Variants in PDS5B observed in about 807,000 individuals in gnomAD.
PDS5B encodes the protein PDS5 cohesin associated factor B, also known as sister chromatid cohesion protein PDS5 homolog B.
A neutral mutation model predicts 184.1 loss-of-function variants in PDS5B; 51 were observed. That is an observed-to-expected ratio of 0.28 (90% CI 0.22 to 0.35). The LOEUF (loss-of-function observed/expected upper bound fraction) is 0.35. PDS5B is among the 10% of genes least tolerant of loss of function. PDS5B has a pLI of 1.00. For missense variants in PDS5B, 1,180 were observed against 1,723.3 expected (o/e 0.68, Z 5.58); for synonymous variants, 566 against 569.2 (o/e 0.99, Z 0.08).
At chr13:32,607,822 CAGTG>C (rs747032674) in intron 1 of PDS5B, among the ~76,000 whole-genome samples, 3 of 152,232 alleles carry the variant, frequency 2.0e-5, no homozygotes, top group Non-Finnish European at 4.4e-5. Flanking sequence ...GCTGTGCTAG[CAGTG>C]AGTGAGGCTC....
chr13:32,675,853 A>G lies in PDS5B; in HGVS notation c.856A>G (p.Asn286Asp). 1 of 1,599,284 alleles carries G rather than the reference A, an allele frequency of 6.3e-7. No individual in the cohort carries two copies. Residue 286 changes from asparagine to aspartate, a missense_variant, in exon 9 of 35, where the codon AAT becomes GAT. Physicochemically the swap from Asn to Asp is conservative, Grantham distance 23. Around this residue, in one of 11 missense-constraint regions of PDS5B, gnomAD observed 4 missense variants for 29.5 expected, o/e 0.14. Coordinates refer to ENST00000315596, the MANE Select transcript of PDS5B (RefSeq NM_015032.4). ...TTGTGTTTTATTTTAGAGCAATGAT[A>G]ATGAGGAGCGCCTACAAGTTGTTAA... ...QLEFKLKSND[N>D]EERLQVVKLL...
chr13:32,699,081 A>G (rs1045470409), intron 15 of PDS5B, among the ~76,000 whole-genome samples: 3 of 152,220 alleles, frequency 2.0e-5, no homozygotes, highest in Admixed American at 6.5e-5. Context: ...GCTCTCTGCA[A>G]CAGTTAAGAA....
At chr13:32,719,630 GTC>G (rs1181655190) in intron 19 of PDS5B, among the ~76,000 whole-genome samples, 2 of 152,138 alleles carry the variant, frequency 1.3e-5, no homozygotes, top group Non-Finnish European at 2.9e-5. Flanking sequence ...GACAGGCTAA[GTC>G]TCTCTGCCCT....
intron 23 of PDS5B, among the ~76,000 whole-genome samples, chr13:32,744,516 A>G (rs1953676822): frequency 6.6e-6 from 1 of 152,186 alleles, no homozygotes; most frequent in South Asian, 2.1e-4. Context: ...GGTTTCAAGA[A>G]AAGTTTCCTC....
At chr13:32,609,100 A>G (rs889852699) in intron 1 of PDS5B, among the ~76,000 whole-genome samples, 1 of 152,164 alleles carries the variant, frequency 6.6e-6, no homozygotes, top group Non-Finnish European at 1.5e-5. Flanking sequence ...ATCATATTTA[A>G]TTTGCAAATA....
intron 33 of PDS5B, 66 bp from the exon 34 acceptor site, chr13:32,773,123 C>G: frequency 7.3e-7 from 1 of 1,364,268 alleles, no homozygotes; most frequent in Non-Finnish European, 1.0e-6. Flanking sequence ...TGAAACATTT[C>G]TTCTAACGAG....
intron 25 of PDS5B, 103 bp from the exon 26 acceptor site, chr13:32,755,739 G>C (rs1954151246): frequency 5.3e-6 from 3 of 568,504 alleles, no homozygotes; most frequent in Non-Finnish European, 9.5e-6. Flanking sequence ...ACGAAAGAAA[G>C]AGTATGTAAG....
In PDS5B at chr13:32,748,671, TATA is replaced by T. The variant is rs1953852363; in HGVS notation, c.2736+2575_2736+2577del. Among the ~76,000 whole-genome samples, 3 of 152,182 alleles carry T rather than the reference TATA, an allele frequency of 2.0e-5. No individual in the cohort carries two copies. The South Asian group carries it at 6.2e-4, about 32-fold the overall frequency. On this transcript the variant is annotated intron_variant, in intron 24 of 34. Transcript: ENST00000315596. ...GTTCTGTGAATATAATACTGAGAGT[TATA>T]ATATTTCCCAGATCTATTCTTTCTT...
intron 1 of PDS5B, among the ~76,000 whole-genome samples, chr13:32,613,395 A>G (rs1302177725): frequency 6.6e-6 from 1 of 152,168 alleles, no homozygotes; most frequent in Non-Finnish European, 1.5e-5. Context: ...GTTTTTGCCC[A>G]TACTTCTTAT....
At chr13:32,705,515 T>C (rs1318073549) in intron 17 of PDS5B, among the ~76,000 whole-genome samples, 1 of 152,186 alleles carries the variant, frequency 6.6e-6, no homozygotes, top group African/African-American at 2.4e-5. Context: ...ATATATAATA[T>C]TTTCGTAGAA....
intron 11 of PDS5B, among the ~76,000 whole-genome samples, chr13:32,685,723 G>T (rs1951367020): frequency 6.6e-6 from 1 of 152,110 alleles, no homozygotes; most frequent in Admixed American, 6.5e-5. Context: ...ACGGCTCATT[G>T]CATCCTTGAC....
chr13:32,720,082 G>C (rs1349948563), intron 19 of PDS5B, among the ~76,000 whole-genome samples: 3 of 152,200 alleles, frequency 2.0e-5, no homozygotes, highest in Non-Finnish European at 2.9e-5. Flanking sequence ...ACAGGTGTGA[G>C]CCACTGTGCC....
intron 1 of PDS5B, among the ~76,000 whole-genome samples, chr13:32,603,715 T>G (rs543909220): frequency 7.2e-4 from 110 of 152,336 alleles, no homozygotes; most frequent in African/African-American, 2.4e-3. Context: ...GTATTGATTC[T>G]TTCTATCCAT....
intron 13 of PDS5B, among the ~76,000 whole-genome samples, 170 bp from the exon 14 acceptor site, chr13:32,694,053 T>G (rs886524573): frequency 4.6e-5 from 7 of 151,866 alleles, no homozygotes; most frequent in African/African-American, 1.7e-4. Flanking sequence ...CTGTGTTATA[T>G]TTGATTCCAT....
intron 1 of PDS5B, among the ~76,000 whole-genome samples, chr13:32,599,824 A>G (rs1566235574): frequency 6.6e-6 from 1 of 151,980 alleles, no homozygotes; most frequent in Non-Finnish European, 1.5e-5. Context: ...CTGAGGCAGG[A>G]GAATGGTGTG....
At chr13:32,769,427 C>T (rs1431690476) in intron 31 of PDS5B, among the ~76,000 whole-genome samples, 2 of 152,052 alleles carry the variant, frequency 1.3e-5, no homozygotes, top group African/African-American at 4.8e-5. Flanking sequence ...ACAATTTATT[C>T]TTGGGTCTTT....
At chr13:32,740,432 G>T (rs7985928) in intron 21 of PDS5B, among the ~76,000 whole-genome samples, 311 of 152,240 alleles carry the variant, frequency 2.0e-3, no homozygotes, top group African/African-American at 7.3e-3. Flanking sequence ...GAGGGAGTTT[G>T]CCTTTTTAGA....
At chr13:32,659,057 A>G (rs1950582710) in intron 5 of PDS5B, 97 bp from the exon 6 acceptor site, 3 of 735,844 alleles carry the variant, frequency 4.1e-6, no homozygotes, top group Admixed American at 3.0e-5. Context: ...ATATTTTAGT[A>G]TTATTTTTGT....
At chr13:32,697,324 G>A (rs760550526) in intron 15 of PDS5B, among the ~76,000 whole-genome samples, 1 of 152,158 alleles carries the variant, frequency 6.6e-6, no homozygotes, top group Non-Finnish European at 1.5e-5. Flanking sequence ...CATCTCCTTT[G>A]TTCAGTGGAA....
Sources: gnomAD v4.1 joint callset for allele counts (sites outside exome capture counted in the v4.1 genomes callset) on GRCh38, gnomAD v4.1.1 for gene constraint, gnomAD v4.1.1 regional missense constraint, MANE v1.5 for transcripts, NCBI Gene and HGNC (gene_info 2026-07-23, HGNC 2026-07-21) for gene names.